RABGAP1L: variants seen among roughly 807,000 people sequenced by gnomAD.
RABGAP1L encodes rab GTPase-activating protein 1-like.
In RABGAP1L, 63 loss-of-function variants were observed where a neutral mutation model predicts 137.7. That is an observed-to-expected ratio of 0.46 (90% CI 0.37 to 0.56). The LOEUF is 0.56. Ranked by LOEUF, RABGAP1L falls within the 20% of genes least tolerant of loss-of-function variation. The pLI is 0.00. For synonymous variants in RABGAP1L, 431 were observed against 433.7 expected (o/e 0.99, Z 0.08); for missense variants, 1,095 against 1,244.0 (o/e 0.88, Z 1.80).
chr1:174,414,436 A>G (rs1650307787), intron 13 of RABGAP1L, among the ~76,000 whole-genome samples: 1 of 152,072 alleles, frequency 6.6e-6, no homozygotes, highest in Non-Finnish European at 1.5e-5. Flanking sequence ...TTTTAAATTG[A>G]CAGGATAGTA....
intron 13 of RABGAP1L, among the ~76,000 whole-genome samples, chr1:174,600,994 AT>A (rs1670366482): frequency 6.6e-6 from 1 of 152,194 alleles, no homozygotes; most frequent in South Asian, 2.1e-4. Context: ...GCATCCAGGC[AT>A]TTCCATACAT....
chr1:174,728,923 G>A (rs1160513983), intron 17 of RABGAP1L, among the ~76,000 whole-genome samples: 2 of 152,106 alleles, frequency 1.3e-5, no homozygotes, highest in Admixed American at 6.6e-5. Context: ...TTACAGGAGT[G>A]AGCCACCGTG....
intron 13 of RABGAP1L, among the ~76,000 whole-genome samples, chr1:174,636,855 C>A (rs1674087791): frequency 6.6e-6 from 1 of 151,962 alleles, no homozygotes; most frequent in African/African-American, 2.4e-5. Flanking sequence ...TGAACACGTG[C>A]ATAAGCCATG....
At chr1:174,524,540 T>C (rs1663708589) in intron 13 of RABGAP1L, among the ~76,000 whole-genome samples, 1 of 152,210 alleles carries the variant, frequency 6.6e-6, no homozygotes, top group Admixed American at 6.5e-5. Flanking sequence ...ATTCTGAATA[T>C]TAATCCCTTG....
At chr1:174,308,730 A>G (rs577536388) in intron 11 of RABGAP1L, among the ~76,000 whole-genome samples, 72 of 152,066 alleles carry the variant, frequency 4.7e-4, no homozygotes, top group Non-Finnish European at 8.4e-4. Flanking sequence ...CCATTGGTCT[A>G]TATGTCTGTT....
intron 13 of RABGAP1L, among the ~76,000 whole-genome samples, chr1:174,610,619 G>A (rs1671147630): frequency 6.6e-6 from 1 of 152,074 alleles, no homozygotes; most frequent in Non-Finnish European, 1.5e-5. Context: ...AGATCCCTGA[G>A]GAATCGCCAC....
intron 19 of RABGAP1L, among the ~76,000 whole-genome samples, chr1:174,828,019 C>T (rs1279911167): frequency 6.7e-6 from 1 of 148,226 alleles, no homozygotes; most frequent in African/African-American, 2.5e-5. Flanking sequence ...ATATAGGACA[C>T]AGGTACTTAG....
chr1:174,481,821 A>G (rs1036322913), intron 13 of RABGAP1L, among the ~76,000 whole-genome samples: 1 of 151,722 alleles, frequency 6.6e-6, no homozygotes, highest in African/African-American at 2.4e-5. Flanking sequence ...ACATGTATAC[A>G]TATGTAACTA....
chr1:174,643,754 TC>T (rs1485374912), intron 14 of RABGAP1L, among the ~76,000 whole-genome samples: 2 of 152,154 alleles, frequency 1.3e-5, no homozygotes, highest in Admixed American at 6.5e-5. Flanking sequence ...TTAGTTTTTT[TC>T]CTTTTTAAAT....
intron 13 of RABGAP1L, among the ~76,000 whole-genome samples, chr1:174,480,047 A>G (rs1658925555): frequency 6.6e-6 from 1 of 152,150 alleles, no homozygotes; most frequent in South Asian, 2.1e-4. Context: ...TGTCATTTTC[A>G]TTTAAGACAG....
At chr1:174,406,671 C>T (rs1649319592) in intron 13 of RABGAP1L, among the ~76,000 whole-genome samples, 1 of 92,562 alleles carries the variant, frequency 1.1e-5, no homozygotes, top group South Asian at 3.0e-4. Context: ...CATGGTGGCT[C>T]ATGCTTTAAT....
rs191118251 is a variant in RABGAP1L, at chr1:174,660,696, G to T, written c.1825-22826G>T. Among the ~76,000 whole-genome samples, 289 of 152,212 alleles carry T rather than the reference G, an allele frequency of 1.9e-3. 1 individual carries two copies. The highest frequency in any genetic ancestry group is 3.4e-3 in the Non-Finnish European group (231 of 68,010). The stretch of plus-strand genomic sequence containing the variant: ...GCCTTGCTCACACTTCAGAGCCCTT[G>T]CCCTGGCTGTTCTCTCTGCCTGGAA... On this transcript the variant is annotated intron_variant, in intron 14 of 25. Transcript: ENST00000681986.
At chr1:174,455,785 T>C (rs1390335452) in intron 13 of RABGAP1L, among the ~76,000 whole-genome samples, 3 of 152,136 alleles carry the variant, frequency 2.0e-5, no homozygotes, top group African/African-American at 7.2e-5. Context: ...ATAACGCTTT[T>C]GAACATATAT....
At chr1:174,575,795 G>GAC (rs1231031922) in intron 13 of RABGAP1L, among the ~76,000 whole-genome samples, 1 of 152,142 alleles carries the variant, frequency 6.6e-6, no homozygotes, top group African/African-American at 2.4e-5. Context: ...ATAAATAATA[G>GAC]ACACACACAA....
intron 1 of RABGAP1L, among the ~76,000 whole-genome samples, chr1:174,163,305 TAAG>T (rs1224168670): frequency 6.6e-6 from 1 of 152,208 alleles, no homozygotes; most frequent in Non-Finnish European, 1.5e-5. Context: ...GTTAATGAAT[TAAG>T]AAGAGCTTGC....
intron 13 of RABGAP1L, among the ~76,000 whole-genome samples, chr1:174,509,308 T>A (rs1298297620): frequency 1.3e-5 from 2 of 152,154 alleles, no homozygotes; most frequent in Non-Finnish European, 2.9e-5. Context: ...TCTAGAAACA[T>A]AACAGCTTAT....
intron 14 of RABGAP1L, among the ~76,000 whole-genome samples, chr1:174,680,786 C>T (rs1365729761): frequency 1.3e-5 from 2 of 151,944 alleles, no homozygotes; most frequent in African/African-American, 4.8e-5. Flanking sequence ...CCCAGCTACT[C>T]AGGAGGCTGA....
rs139901977 is a variant in RABGAP1L at position 174,451,523 on chromosome 1, C to T, written c.1710+57378C>T. Among the ~76,000 whole-genome samples the T allele has an allele frequency of 7.4e-4, 112 of 152,208 alleles. 3 individuals are homozygous for T. In the East Asian group the frequency reaches 0.016, roughly 22 times the overall value. On this transcript the variant is annotated intron_variant, in intron 13 of 25. Transcript: ENST00000681986. ...TATTTCCACTCCAGAGATAAGGAAA[C>T]GAAAGAAAAATGATTATTCGTCAGT...
intron 11 of RABGAP1L, among the ~76,000 whole-genome samples, chr1:174,336,071 C>T (rs970321030): frequency 2.0e-5 from 3 of 152,072 alleles, no homozygotes; most frequent in African/African-American, 4.8e-5. Context: ...AAAAAATTTT[C>T]CCCCTGAGTT....
Sources: allele counts gnomAD v4.1 joint callset (sites outside exome capture counted in the v4.1 genomes callset), GRCh38; gene constraint gnomAD v4.1.1; transcripts MANE v1.5; gene names NCBI Gene and HGNC (gene_info 2026-07-23, HGNC 2026-07-21).